The following IGF1R variants were observed in gnomAD, a reference collection of about 807,000 sequenced individuals.
The protein encoded by IGF1R is insulin-like growth factor 1 receptor.
IGF1R carries 44 observed loss-of-function variants against 144.6 expected under a neutral mutation model. The ratio of observed to expected loss-of-function variants is 0.30; its 90% confidence interval spans 0.24 to 0.39. The LOEUF (loss-of-function observed/expected upper bound fraction) is 0.39. Ranked by LOEUF, IGF1R falls within the 10% of genes least tolerant of loss-of-function variation. IGF1R has a pLI of 1.00. For missense variants in IGF1R, 1,355 were observed against 1,833.7 expected, an observed-to-expected ratio of 0.74 and a Z score of 4.77; for synonymous variants, 795 against 722.8, an observed-to-expected ratio of 1.10 and a Z score of -1.60.
chr15:98,911,995 TC>T (rs1238423923), intron 7 of IGF1R, among the ~76,000 whole-genome samples: 1 of 152,214 alleles, frequency 6.6e-6, no homozygotes, highest in African/African-American at 2.4e-5. Context: ...TTGTGACTTC[TC>T]CTAGACTCTG....
At chr15:98,690,706 C>T (rs1451927078) in intron 1 of IGF1R, among the ~76,000 whole-genome samples, 4 of 152,208 alleles carry the variant, frequency 2.6e-5, no homozygotes, top group Non-Finnish European at 4.4e-5. Context: ...ACCCTCTCCT[C>T]TTCCTGCTAC....
chr15:98,841,250 G>A (rs1338263858), intron 2 of IGF1R, among the ~76,000 whole-genome samples: 1 of 152,152 alleles, frequency 6.6e-6, no homozygotes, highest in Non-Finnish European at 1.5e-5. Context: ...CTAACTCCAT[G>A]GAGATGAGCT....
chr15:98,784,534 G>A (rs1470555351), intron 2 of IGF1R: 6 of 153,912 alleles, frequency 3.9e-5, no homozygotes, highest in Non-Finnish European at 8.8e-5. Context: ...TTTAGTCTAG[G>A]TTAAGTCATA....
intron 2 of IGF1R, among the ~76,000 whole-genome samples, chr15:98,870,838 C>G (rs1244470087): frequency 6.6e-6 from 1 of 152,214 alleles, no homozygotes; most frequent in African/African-American, 2.4e-5. Context: ...GACATACTCC[C>G]TTCCGTTGCA....
At chr15:98,897,255 C>G (rs975448831) in intron 4 of IGF1R, 4 of 242,384 alleles carry the variant, frequency 1.7e-5, no homozygotes, top group Admixed American at 5.1e-5. Context: ...CAGCTGTAGC[C>G]AAATCCACAC....
intron 2 of IGF1R, among the ~76,000 whole-genome samples, chr15:98,743,909 T>C (rs1334932845): frequency 6.6e-6 from 1 of 152,134 alleles, no homozygotes; most frequent in South Asian, 2.1e-4. Flanking sequence ...GTGAGCAGGA[T>C]ATCAAAGATA....
At chr15:98,708,154 T>TCTC (rs772944041) in intron 2 of IGF1R, 47 bp downstream of exon 2, 1 of 1,509,674 alleles carries the variant, frequency 6.6e-7, no homozygotes, top group Non-Finnish European at 9.2e-7. Flanking sequence ...CTCTCTCTCC[T>TCTC]CTCCTCCTCC....
At chr15:98,811,801 C>G (rs570098071) in intron 2 of IGF1R, among the ~76,000 whole-genome samples, 10 of 152,152 alleles carry the variant, frequency 6.6e-5, no homozygotes, top group African/African-American at 1.2e-4. Context: ...TGGCGGGCGC[C>G]TGTAGTCCCA....
chr15:98,963,217 T>G lies in IGF1R; in HGVS notation c.*5775T>G, dbSNP rs1443051820. ...GCAAATGTGTGTTTGTGATCCATTT[T>G]TTTTTTTTTTTTTTAGGACACCTGT... is the stretch of plus-strand genomic sequence containing the variant. On this transcript the variant is annotated 3_prime_UTR_variant, in exon 21 of 21. Coordinates refer to ENST00000650285, the MANE Select transcript of IGF1R (RefSeq NM_000875.5). 5.5e-6 allele frequency: 1 copy of G among 180,774 alleles called. No homozygotes were observed. Among genetic ancestry groups the G allele is most frequent in the East Asian group, 1.0e-4 (1 of 9,996 alleles). The allele number at this position is 180,774 out of a possible 1,614,324, so 11.2% of individuals were successfully genotyped here. A position where few individuals can be genotyped will look rare whatever the true frequency, so the allele number is the denominator to read the frequency against.
At chr15:98,884,128 G>T (rs1490731138) in intron 2 of IGF1R, among the ~76,000 whole-genome samples, 1 of 152,050 alleles carries the variant, frequency 6.6e-6, no homozygotes, top group African/African-American at 2.4e-5. Flanking sequence ...ACACTCCACT[G>T]GGGGGCTGCT....
intron 2 of IGF1R, among the ~76,000 whole-genome samples, chr15:98,830,672 T>G (rs1234404181): frequency 1.3e-5 from 2 of 150,996 alleles, no homozygotes; most frequent in Non-Finnish European, 2.9e-5. Flanking sequence ...GGCGCCATCT[T>G]GGCTCACTGC....
rs1025201862 is a variant in IGF1R at position 98,695,705 on chromosome 15, G to A, written c.95-11857G>A. Reference sequence around the variant, plus strand: ...CATTACCTCTTTAGGCAGTCCAGTCGGGTTTCAAATGAATCCTACTGTCTG... The same window carrying A: ...CATTACCTCTTTAGGCAGTCCAGTCAGGTTTCAAATGAATCCTACTGTCTG... On this transcript the variant is annotated intron_variant, in intron 1 of 20. Coordinates refer to ENST00000650285, the MANE Select transcript of IGF1R (RefSeq NM_000875.5). 1.1e-4 allele frequency among the ~76,000 whole-genome samples: 17 copies of A among 152,264 alleles called. No homozygotes were observed. In the East Asian group the frequency reaches 1.5e-3, roughly 14 times the overall value.
At chr15:98,752,930 C>CTT (rs1277469191) in intron 2 of IGF1R, among the ~76,000 whole-genome samples, 22 of 130,400 alleles carry the variant, frequency 1.7e-4, no homozygotes, top group Admixed American at 3.2e-4. Context: ...GAAAATCATA[C>CTT]TATTTTTTTT....
chr15:98,899,408 TGTAAGAATCCAA>T (rs1228690644), intron 4 of IGF1R, 57 bp from the exon 5 acceptor site: 1 of 1,516,024 alleles, frequency 6.6e-7, no homozygotes, highest in Non-Finnish European at 9.2e-7. Context: ...CACTTGTGTT[TGTAAGAATCCAA>T]GTATGTCACC....
At chr15:98,676,781 T>C (rs556402954) in intron 1 of IGF1R, among the ~76,000 whole-genome samples, 4 of 152,244 alleles carry the variant, frequency 2.6e-5, no homozygotes, top group Non-Finnish European at 5.9e-5. Context: ...TCAACTATTA[T>C]CTATCTATGA....
intron 2 of IGF1R, among the ~76,000 whole-genome samples, chr15:98,730,233 A>ATTT (rs201475313): frequency 1.4e-5 from 2 of 147,238 alleles, no homozygotes; most frequent in East Asian, 2.0e-4. Context: ...GTGATTTTCA[A>ATTT]TTTTTTTTTT....
intron 2 of IGF1R, among the ~76,000 whole-genome samples, chr15:98,711,421 G>A (rs1274685535): frequency 3.9e-5 from 6 of 152,110 alleles, no homozygotes; most frequent in Non-Finnish European, 8.8e-5. Context: ...CTTCTGTGCC[G>A]TGACTCTGCA....
chr15:98,750,939 C>G (rs2054994972), intron 2 of IGF1R, among the ~76,000 whole-genome samples: 1 of 151,936 alleles, frequency 6.6e-6, no homozygotes, highest in African/African-American at 2.4e-5. Flanking sequence ...CAGGTGTACA[C>G]CACCATGGCC....
intron 2 of IGF1R, among the ~76,000 whole-genome samples, chr15:98,824,598 A>G (rs1451458393): frequency 6.6e-6 from 1 of 152,210 alleles, no homozygotes; most frequent in Non-Finnish European, 1.5e-5. Flanking sequence ...GGCATGGGCC[A>G]TTAGGCTGGT....
Sources: allele counts gnomAD v4.1 joint callset (sites outside exome capture counted in the v4.1 genomes callset), GRCh38; gene constraint gnomAD v4.1.1; transcripts MANE v1.5; gene names NCBI Gene and HGNC (gene_info 2026-07-23, HGNC 2026-07-21).